CLSTN2: variants seen among roughly 807,000 people sequenced by gnomAD.
CLSTN2 encodes calsyntenin 2, also known as calsyntenin-2.
In CLSTN2, 48 loss-of-function variants were observed where a neutral mutation model predicts 101.2. The ratio of observed to expected loss-of-function variants is 0.47; its 90% CI spans 0.38 to 0.60. The LOEUF is 0.60. Among genes scored for constraint, CLSTN2 ranks in the 20% least tolerant of loss-of-function variants. CLSTN2 has a pLI of 0.00. For synonymous variants in CLSTN2, 481 were observed against 463.6 expected (o/e 1.04, Z -0.48); for missense variants, 1,160 against 1,238.2 (o/e 0.94, Z 0.95).
At chr3:140,381,602 T>G (rs1163800972) in intron 2 of CLSTN2, among the ~76,000 whole-genome samples, 2 of 152,222 alleles carry the variant, frequency 1.3e-5, no homozygotes, top group Admixed American at 6.5e-5. Flanking sequence ...TTCCACTTAC[T>G]GGCCATACTG....
At chr3:139,976,673 A>C (rs1935824155) in intron 1 of CLSTN2, among the ~76,000 whole-genome samples, 1 of 152,184 alleles carries the variant, frequency 6.6e-6, no homozygotes, top group South Asian at 2.1e-4. Context: ...AACAGTGCCC[A>C]CTGTCCTGGC....
At chr3:140,522,093 CTG>C (rs1935042405) in intron 8 of CLSTN2, among the ~76,000 whole-genome samples, 2 of 152,226 alleles carry the variant, frequency 1.3e-5, no homozygotes, top group African/African-American at 2.4e-5. Context: ...TTGCAAAAAT[CTG>C]TGGGAGAAGC....
intron 2 of CLSTN2, among the ~76,000 whole-genome samples, chr3:140,190,900 G>C (rs971311051): frequency 6.6e-6 from 1 of 151,934 alleles, no homozygotes; most frequent in East Asian, 1.9e-4. Context: ...GATCCTTTGG[G>C]TTTTATTTCC....
At chr3:140,029,142 T>C (rs1333806870) in intron 1 of CLSTN2, among the ~76,000 whole-genome samples, 1 of 152,214 alleles carries the variant, frequency 6.6e-6, no homozygotes, top group Non-Finnish European at 1.5e-5. Context: ...CTTCCTTTTT[T>C]TTCTTGCCTT....
intron 10 of CLSTN2, among the ~76,000 whole-genome samples, chr3:140,553,949 AGAT>A (rs1364197172): frequency 6.6e-6 from 1 of 152,144 alleles, no homozygotes; most frequent in Non-Finnish European, 1.5e-5. Context: ...GAGTGACAGG[AGAT>A]GATAGTGAGT....
intron 1 of CLSTN2, among the ~76,000 whole-genome samples, chr3:140,022,476 T>C (rs572514751): frequency 6.6e-6 from 1 of 152,132 alleles, no homozygotes; most frequent in African/African-American, 2.4e-5. Context: ...AACCAAGGAA[T>C]AGGGAGAGCT....
At chr3:140,047,078 T>G (rs2107766520) in intron 1 of CLSTN2, among the ~76,000 whole-genome samples, 1 of 152,290 alleles carries the variant, frequency 6.6e-6, no homozygotes, top group East Asian at 1.9e-4. Context: ...TTGCTAGCAT[T>G]GTGTCACATA....
intron 2 of CLSTN2, among the ~76,000 whole-genome samples, chr3:140,187,065 T>G (rs551373849): frequency 6.6e-6 from 1 of 152,216 alleles, no homozygotes; most frequent in East Asian, 1.9e-4. Flanking sequence ...CCCTTGGCCC[T>G]TTCCTTTTTT....
At chr3:140,345,658 G>T (rs1446611742) in intron 2 of CLSTN2, among the ~76,000 whole-genome samples, 1 of 148,266 alleles carries the variant, frequency 6.7e-6, no homozygotes, top group African/African-American at 2.5e-5. Context: ...TGGAGCAGAA[G>T]GCCGTGCATG....
At chr3:140,266,983 A>G (rs1229381859) in intron 2 of CLSTN2, among the ~76,000 whole-genome samples, 1 of 152,214 alleles carries the variant, frequency 6.6e-6, no homozygotes, top group East Asian at 1.9e-4. Flanking sequence ...ATGATCTGTT[A>G]GCAATGTCTG....
At chr3:140,186,287 C>T (rs537489953) in intron 2 of CLSTN2, among the ~76,000 whole-genome samples, 19 of 152,292 alleles carry the variant, frequency 1.2e-4, no homozygotes, top group Middle Eastern at 3.4e-3. Context: ...CTCCAGAAGC[C>T]ATTTCTGTGG....
chr3:140,113,521 C>G (rs1162288778), intron 1 of CLSTN2, among the ~76,000 whole-genome samples: 1 of 152,244 alleles, frequency 6.6e-6, no homozygotes, highest in African/African-American at 2.4e-5. Context: ...TTGGCACCAA[C>G]TACATTCCTT....
chr3:140,170,395 G>A (rs2010193580), intron 1 of CLSTN2, among the ~76,000 whole-genome samples: 1 of 152,176 alleles, frequency 6.6e-6, no homozygotes, highest in South Asian at 2.1e-4. Context: ...ATCCTGATGT[G>A]AGGGAAATTA....
At chr3:140,195,640 GT>G (rs1247317749) in intron 2 of CLSTN2, among the ~76,000 whole-genome samples, 1 of 152,176 alleles carries the variant, frequency 6.6e-6, no homozygotes, top group Non-Finnish European at 1.5e-5. Flanking sequence ...AGAGTTTTGT[GT>G]TGAATTTCCA....
chr3:140,268,056 A>G (rs777714017), intron 2 of CLSTN2, among the ~76,000 whole-genome samples: 5 of 152,170 alleles, frequency 3.3e-5, no homozygotes, highest in Non-Finnish European at 7.3e-5. Flanking sequence ...AAAGGAGGGA[A>G]ATACATTTAG....
intron 1 of CLSTN2, among the ~76,000 whole-genome samples, chr3:140,008,324 C>T (rs1406376774): frequency 6.6e-6 from 1 of 152,238 alleles, no homozygotes; most frequent in Non-Finnish European, 1.5e-5. Flanking sequence ...GGTATCATTG[C>T]CCCTGGCATC....
At chr3:139,967,936 G>C (rs920213038) in intron 1 of CLSTN2, among the ~76,000 whole-genome samples, 1 of 152,098 alleles carries the variant, frequency 6.6e-6, no homozygotes, top group Non-Finnish European at 1.5e-5. Context: ...TACATGTGAT[G>C]ATTCACACCT....
At chr3:140,145,490 AG>A (rs1180871627) in intron 1 of CLSTN2, among the ~76,000 whole-genome samples, 3 of 152,262 alleles carry the variant, frequency 2.0e-5, no homozygotes, top group Middle Eastern at 3.2e-3. Flanking sequence ...TTCTCCAAAC[AG>A]TTTCAGCAAG....
chr3:140,088,081 C>T (rs1371144549), intron 1 of CLSTN2, among the ~76,000 whole-genome samples: 4 of 152,118 alleles, frequency 2.6e-5, no homozygotes, highest in Non-Finnish European at 2.9e-5. Flanking sequence ...TTCGTTATGC[C>T]ATGACATCTC....
Sources: allele counts gnomAD v4.1 joint callset (sites outside exome capture counted in the v4.1 genomes callset), GRCh38; gene constraint gnomAD v4.1.1; transcripts MANE v1.5; gene names NCBI Gene and HGNC (gene_info 2026-07-23, HGNC 2026-07-21).